Variants in CLEC12A observed in about 807,000 individuals in gnomAD.
CLEC12A encodes the protein C-type lectin domain family 12 member A.
A neutral mutation model predicts 26.5 loss-of-function variants in CLEC12A; 22 were observed. That is an observed-to-expected ratio of 0.83 (90% CI 0.59 to 1.19). The LOEUF (loss-of-function observed/expected upper bound fraction) is 1.19, where lower values mean the gene tolerates loss of function less well. Ranked by LOEUF, CLEC12A falls within the 50% of genes most tolerant of loss-of-function variation. The pLI, the probability that CLEC12A is intolerant of heterozygous loss-of-function variation, is 0.00. For missense variants in CLEC12A, 353 were observed against 315.6 expected, an observed-to-expected ratio of 1.12 and a Z score of -0.90; for synonymous variants, 119 against 101.9, an observed-to-expected ratio of 1.17 and a Z score of -1.01.
chr12:9,997,082 CT>C, downstream of CLEC12A: 1 of 1,608,894 alleles, frequency 6.2e-7, no homozygotes, highest in South Asian at 1.1e-5. Context: ...TTCTGCAGAT[CT>C]CAAACTCCCT....
chr12:9,996,730 G>T (rs776037482), downstream of CLEC12A: 2 of 1,023,484 alleles, frequency 2.0e-6, no homozygotes, highest in African/African-American at 1.6e-5. Context: ...AAGGGTCTTA[G>T]ATTAGTACAA....
At chr12:9,968,493 C>T (rs1338675858), upstream of CLEC12A, among the ~76,000 whole-genome samples, 1 of 152,012 alleles carries the variant, frequency 6.6e-6, no homozygotes, top group Non-Finnish European at 1.5e-5. Flanking sequence ...AATAGGGGAG[C>T]TTTTGAGCCA....
chr12:9,978,470 C>G (rs1375009777), intron 1 of CLEC12A, among the ~76,000 whole-genome samples: 3 of 151,924 alleles, frequency 2.0e-5, no homozygotes, highest in African/African-American at 7.3e-5. Context: ...AAAAGACAGC[C>G]TATCTTGTTC....
chr12:9,952,355 T>C (rs1236983651), intron 1 of CLEC12A, among the ~76,000 whole-genome samples: 1 of 150,736 alleles, frequency 6.6e-6, no homozygotes, highest in African/African-American at 2.4e-5. Flanking sequence ...CTGACTGGTT[T>C]TGGTGGAGAC....
chr12:9,951,429 T>C lies in CLEC12A; in HGVS notation c.10+73T>C, dbSNP rs1295049752. Reference sequence around the variant, plus strand: ...TTGAGAAATTCTGAAGGAATTTCCATTGGCAAGTTCAGCAAGGCCAACTGA... The same window carrying C: ...TTGAGAAATTCTGAAGGAATTTCCACTGGCAAGTTCAGCAAGGCCAACTGA... On this transcript the variant is annotated intron_variant, in intron 1 of 6. Coordinates refer to the CLEC12A transcript ENST00000355690. The C allele has an allele frequency of 1.6e-5, 11 of 702,044 alleles. No homozygotes were observed. The East Asian group carries it at 3.0e-4, about 19-fold the overall frequency. The allele number at this position is 702,044 out of a possible 1,614,324, so 43.5% of individuals were successfully genotyped here.
chr12:10,002,748 G>A, the CLEC12A span, among the ~76,000 whole-genome samples: 2 of 152,036 alleles, frequency 1.3e-5, no homozygotes, highest in East Asian at 1.9e-4. Context: ...GGCAATTTGA[G>A]GAACTTTTTA....
chr12:9,959,646 C>T (rs1376882301), intron 1 of CLEC12A, among the ~76,000 whole-genome samples: 2 of 152,038 alleles, frequency 1.3e-5, no homozygotes, highest in African/African-American at 4.8e-5. Flanking sequence ...ACAGGATGGA[C>T]TCGGGGCAGG....
downstream of CLEC12A, among the ~76,000 whole-genome samples, chr12:9,998,001 G>A (rs1043181481): frequency 1.3e-5 from 2 of 151,764 alleles, no homozygotes; most frequent in Non-Finnish European, 2.9e-5. Context: ...GGATGAAAAA[G>A]TTTTTAAAAA....
intron 2 of CLEC12A, 115 bp downstream of exon 2, chr12:9,979,179 AAGG>A: frequency 1.0e-6 from 1 of 1,001,902 alleles, no homozygotes; most frequent in Non-Finnish European, 1.5e-6. Context: ...ATAGGCCCAC[AAGG>A]AGGACTTACA....
chr12:9,971,823 C>A, intron 1 of CLEC12A, 136 bp downstream of exon 1: 1 of 656,134 alleles, frequency 1.5e-6, no homozygotes, highest in African/African-American at 1.9e-5. Context: ...AGCAAAGGAA[C>A]AAAAAGTGTA....
chr12:9,998,643 T>TG (rs1865111802), downstream of CLEC12A, among the ~76,000 whole-genome samples: 1 of 63,836 alleles, frequency 1.6e-5, no homozygotes, highest in Non-Finnish European at 3.2e-5. Context: ...TGTGTTTGTA[T>TG]TTTTTGTTTT....
At chr12:9,953,739 A>T (rs1426497488) in intron 1 of CLEC12A, among the ~76,000 whole-genome samples, 1 of 151,926 alleles carries the variant, frequency 6.6e-6, no homozygotes, top group Non-Finnish European at 1.5e-5. Context: ...ACGGGCCAGG[A>T]TGACAATGGC....
At chr12:10,004,187 T>G in the CLEC12A span, among the ~76,000 whole-genome samples, 1 of 152,164 alleles carries the variant, frequency 6.6e-6, no homozygotes, top group African/African-American at 2.4e-5. Context: ...GGAACCCCAG[T>G]GTTACAAAGT....
chr12:9,976,177 T>A (rs1230888991), intron 1 of CLEC12A, among the ~76,000 whole-genome samples: 1 of 152,168 alleles, frequency 6.6e-6, no homozygotes, highest in Non-Finnish European at 1.5e-5. Context: ...TGGGGTACTG[T>A]CCAGTGGAGC....
chr12:9,984,916 A>G lies in CLEC12A; in HGVS notation c.688A>G (p.Ile230Val). 2.5e-6 allele frequency: 4 copies of G among 1,582,900 alleles called. No individual in the cohort carries two copies. Among genetic ancestry groups the G allele is most frequent in the Non-Finnish European group, 3.4e-6 (4 of 1,163,188 alleles). ...PDLNNMYCGY[I>V]NRLYVQYYHC... ...CTTAAATAACATGTATTGTGGATAT[A>G]TAAATAGACTATATGTTCAATATTA... Residue 230 changes from isoleucine to valine, a missense_variant, in exon 6 of 6, where the codon ATA becomes GTA. Ile to Val is a conservative substitution (Grantham distance 29). Transcript: ENST00000304361.
downstream of CLEC12A, among the ~76,000 whole-genome samples, chr12:9,986,344 GAAAA>G (rs3053775): frequency 2.5e-5 from 3 of 119,058 alleles, no homozygotes; most frequent in Non-Finnish European, 3.3e-5. Context: ...AGTCTCCACT[GAAAA>G]AAAAAAAAAA....
downstream of CLEC12A, among the ~76,000 whole-genome samples, chr12:9,997,901 G>A (rs1045893465): frequency 6.6e-6 from 1 of 152,006 alleles, no homozygotes; most frequent in Non-Finnish European, 1.5e-5. Context: ...AATAGAATGA[G>A]AAAAATTTCA....
At chr12:9,981,521 T>C (rs1464140789) in intron 4 of CLEC12A, among the ~76,000 whole-genome samples, 2 of 152,172 alleles carry the variant, frequency 1.3e-5, no homozygotes, top group Admixed American at 1.3e-4. Flanking sequence ...CATTCACAGT[T>C]ACTTACTCTA....
chr12:9,994,167 A>G (rs966797378), intron 4 of CLEC12A, among the ~76,000 whole-genome samples: 1 of 152,090 alleles, frequency 6.6e-6, no homozygotes, highest in Non-Finnish European at 1.5e-5. Context: ...CAGTGGAGAG[A>G]TGGTCATGGA....
Sources: allele counts gnomAD v4.1 joint callset (sites outside exome capture counted in the v4.1 genomes callset), GRCh38; gene constraint gnomAD v4.1.1; transcripts MANE v1.5; gene names NCBI Gene and HGNC (gene_info 2026-07-23, HGNC 2026-07-21).